The following EXT1 variants were observed in gnomAD, a reference collection of about 807,000 sequenced individuals.
The protein encoded by EXT1 is exostosin glycosyltransferase 1, also known as exostosin-1.
Under a neutral mutation model 82.5 loss-of-function variants are expected in EXT1, and 20 were observed. The ratio of observed to expected loss-of-function variants is 0.24; its 90% CI spans 0.17 to 0.35. The LOEUF (loss-of-function observed/expected upper bound fraction) is 0.35, where lower values mean the gene tolerates loss of function less well. Among genes scored for constraint, EXT1 ranks in the 10% least tolerant of loss-of-function variants. EXT1 has a pLI of 1.00. For synonymous variants in EXT1, 348 were observed against 350.8 expected (o/e 0.99, Z 0.09); for missense variants, 757 against 936.5 (o/e 0.81, Z 2.50).
intron 1 of EXT1, among the ~76,000 whole-genome samples, chr8:117,953,049 C>T (rs898459035): frequency 6.6e-6 from 1 of 152,128 alleles, no homozygotes; most frequent in Non-Finnish European, 1.5e-5. Flanking sequence ...ATTTGCCTTT[C>T]TTCTTTTCAT....
At chr8:117,984,512 T>A (rs2129774097) in intron 1 of EXT1, among the ~76,000 whole-genome samples, 1 of 150,114 alleles carries the variant, frequency 6.7e-6, no homozygotes, top group East Asian at 1.9e-4. Flanking sequence ...GCCTCCCTCA[T>A]GACTGACTTT....
intron 1 of EXT1, among the ~76,000 whole-genome samples, chr8:117,970,364 C>T (rs977340505): frequency 4.0e-5 from 6 of 150,426 alleles, no homozygotes; most frequent in Admixed American, 6.6e-5. Flanking sequence ...AGTGCAGTGG[C>T]GTGATCTCAG....
intron 1 of EXT1, among the ~76,000 whole-genome samples, chr8:117,961,007 A>T (rs1250546442): frequency 6.6e-6 from 1 of 152,084 alleles, no homozygotes; most frequent in Non-Finnish European, 1.5e-5. Context: ...AGAGTCATAA[A>T]CTCTTTTGTG....
At chr8:117,945,905 G>A (rs1455146657) in intron 1 of EXT1, among the ~76,000 whole-genome samples, 5 of 151,856 alleles carry the variant, frequency 3.3e-5, no homozygotes, top group Admixed American at 1.3e-4. Flanking sequence ...TTTTGTTTTT[G>A]TTTTGTTTTG....
chr8:117,852,346 A>G (rs1397150354), intron 1 of EXT1, among the ~76,000 whole-genome samples: 1 of 152,208 alleles, frequency 6.6e-6, no homozygotes, highest in African/African-American at 2.4e-5. Flanking sequence ...CTAACCAAAG[A>G]TGTGCCTGAC....
chr8:118,076,042 A>G (rs1344112576), intron 1 of EXT1, among the ~76,000 whole-genome samples: 1 of 152,192 alleles, frequency 6.6e-6, no homozygotes, highest in African/African-American at 2.4e-5. Flanking sequence ...TAGGGAGTAG[A>G]TTTATATATC....
At chr8:117,820,976 A>G (rs1229445216) in intron 5 of EXT1, among the ~76,000 whole-genome samples, 1 of 152,244 alleles carries the variant, frequency 6.6e-6, no homozygotes, top group Non-Finnish European at 1.5e-5. Context: ...CCAAAGAGAC[A>G]GAAGTGAGAT....
intron 5 of EXT1, 116 bp from the exon 6 acceptor site, chr8:117,819,910 C>T: frequency 1.0e-6 from 1 of 979,888 alleles, no homozygotes; most frequent in East Asian, 2.4e-5. Flanking sequence ...TGGATGATTT[C>T]TCCTTTGCTT....
At chr8:117,971,828 A>G (rs1814946560) in intron 1 of EXT1, among the ~76,000 whole-genome samples, 1 of 152,170 alleles carries the variant, frequency 6.6e-6, no homozygotes, top group Admixed American at 6.5e-5. Flanking sequence ...TTATATGCCA[A>G]TGCATTCAAG....
chr8:118,107,916 G>A (rs1817828146), intron 1 of EXT1, among the ~76,000 whole-genome samples: 1 of 152,110 alleles, frequency 6.6e-6, no homozygotes, highest in Non-Finnish European at 1.5e-5. Context: ...AAGTGTCCCT[G>A]CTAAAGAGAT....
intron 1 of EXT1, among the ~76,000 whole-genome samples, chr8:117,978,417 T>C (rs1311300519): frequency 1.3e-5 from 2 of 152,308 alleles, no homozygotes; most frequent in Non-Finnish European, 2.9e-5. Flanking sequence ...CTTCAGCCAG[T>C]AAGCACATCA....
At chr8:117,800,812 T>C (rs1392478198) in intron 10 of EXT1, among the ~76,000 whole-genome samples, 2 of 152,248 alleles carry the variant, frequency 1.3e-5, no homozygotes, top group Non-Finnish European at 2.9e-5. Context: ...GGTTAAATAT[T>C]TTTAGATCAT....
chr8:117,806,807 T>C (rs1051660626), intron 9 of EXT1, among the ~76,000 whole-genome samples: 1 of 152,232 alleles, frequency 6.6e-6, no homozygotes, highest in Admixed American at 6.5e-5. Flanking sequence ...AATTATTATG[T>C]AGACAGTCTT....
Position 117,795,501 on chromosome 8 carries a change from A to G in EXT1, c.*4211T>C, listed in dbSNP as rs76979449. 7.0e-5 allele frequency: 10 copies of G among 142,986 alleles called. No individual in the cohort carries two copies. Among genetic ancestry groups the G allele is most frequent in the Admixed American group, 1.4e-4 (2 of 14,416 alleles). The allele number at this position is 142,986 out of a possible 1,614,324, so 8.9% of individuals were successfully genotyped here. ...CCCAAGCTTTTTTTTTTTTTTAAAG[A>G]AAAAAAAAAGGGGGGCCAGGCGCAG... On this transcript the variant is annotated 3_prime_UTR_variant, in exon 11 of 11. Coordinates refer to ENST00000378204, the MANE Select transcript of EXT1 (RefSeq NM_000127.3).
At chr8:118,062,829 T>C (rs566956504) in intron 1 of EXT1, among the ~76,000 whole-genome samples, 1 of 152,292 alleles carries the variant, frequency 6.6e-6, no homozygotes, top group East Asian at 1.9e-4. Context: ...GCTAGACTAG[T>C]TGCCAAAAAC....
chr8:117,807,295 G>GAGTTATCCCAGA lies in EXT1; in HGVS notation c.1793_1804dup (p.Phe598_Asn601dup). On this transcript the variant is annotated inframe_insertion, in exon 9 of 11. Transcript: ENST00000378204. ...TGATGTGTATCCCCACCGCTCCTTA[G>GAGTTATCCCAGA]AGTTATCCCAGAAGTGGCTGCGCGC... The GAGTTATCCCAGA allele has an allele frequency of 6.2e-7, 1 of 1,614,198 alleles. No homozygotes were observed. Among genetic ancestry groups the GAGTTATCCCAGA allele is most frequent in the Non-Finnish European group, 8.5e-7 (1 of 1,180,036 alleles).
At position 117,852,874 on chromosome 8, in the gene EXT1, G is replaced by A. The variant is rs6998987; in HGVS notation, c.963-15673C>T. ...AGAATTATGGAATTCACTGTCTTGC[G>A]TAGGGAGACTGATAGTAAATAATTA... On this transcript the variant is annotated intron_variant, in intron 1 of 10. Coordinates refer to ENST00000378204, the MANE Select transcript of EXT1 (RefSeq NM_000127.3). Among the ~76,000 whole-genome samples the A allele has an allele frequency of 5.9e-3, 899 of 152,280 alleles. 11 individuals carry two copies. Among genetic ancestry groups the A allele is most frequent in the African/African-American group, 0.02 (830 of 41,540 alleles).
chr8:117,799,308 A>G lies in EXT1; in HGVS notation c.*404T>C. 4.1e-6 allele frequency: 1 copy of G among 241,816 alleles called. No individual in the cohort carries two copies. Among genetic ancestry groups the G allele is most frequent in the South Asian group, 7.6e-5 (1 of 13,134 alleles). 15.0% of individuals were successfully genotyped at this position (241,816 alleles called of 1,614,324 possible). On this transcript the variant is annotated 3_prime_UTR_variant, in exon 11 of 11. Coordinates refer to ENST00000378204, the MANE Select transcript of EXT1 (RefSeq NM_000127.3). ...GCAGGGCACCCTACATGGCCATGAC[A>G]ATGATGTCTGTGGGAAAAGGAATAG...
chr8:118,078,174 T>C (rs1295752780), intron 1 of EXT1, among the ~76,000 whole-genome samples: 2 of 152,176 alleles, frequency 1.3e-5, no homozygotes, highest in African/African-American at 4.8e-5. Flanking sequence ...CAAGGGGCAT[T>C]TGACCAGATT....
Sources: gnomAD v4.1 joint callset for allele counts (sites outside exome capture counted in the v4.1 genomes callset) on GRCh38, gnomAD v4.1.1 for gene constraint, MANE v1.5 for transcripts, NCBI Gene and HGNC (gene_info 2026-07-23, HGNC 2026-07-21) for gene names.